The following TNIK variants were observed in gnomAD, a reference collection of about 807,000 sequenced individuals.
TNIK encodes the protein TRAF2 and NCK interacting kinase.
TNIK carries 49 observed loss-of-function variants against 191.3 expected under a neutral mutation model. The ratio of observed to expected loss-of-function variants is 0.26; its 90% CI spans 0.20 to 0.32. The LOEUF is 0.32. Among genes scored for constraint, TNIK ranks in the 10% least tolerant of loss-of-function variants. The pLI, the probability that TNIK is intolerant of heterozygous loss-of-function variation, is 1.00. For missense variants in TNIK, 1,155 were observed against 1,702.3 expected, an observed-to-expected ratio of 0.68 and a Z score of 5.66; for synonymous variants, 594 against 600.9, an observed-to-expected ratio of 0.99 and a Z score of 0.17.
intron 29 of TNIK, 40 bp from the exon 30 acceptor site, chr3:171,069,037 A>T (rs1718847031): frequency 6.4e-7 from 1 of 1,570,524 alleles, no homozygotes; most frequent in East Asian, 2.3e-5. Context: ...TCACTCAAAG[A>T]GGCATCTTAA....
chr3:171,070,260 C>T (rs1365068194), intron 29 of TNIK, among the ~76,000 whole-genome samples: 1 of 152,162 alleles, frequency 6.6e-6, no homozygotes, highest in Non-Finnish European at 1.5e-5. Context: ...CAGAAGCCAT[C>T]TGCCCTAAGG....
intron 1 of TNIK, among the ~76,000 whole-genome samples, chr3:171,420,550 A>G (rs1210526436): frequency 6.6e-6 from 1 of 152,182 alleles, no homozygotes; most frequent in Non-Finnish European, 1.5e-5. Flanking sequence ...TGTAGAGAAT[A>G]TGTGGATGCC....
intron 2 of TNIK, among the ~76,000 whole-genome samples, chr3:171,357,699 G>T (rs950591256): frequency 4.1e-4 from 62 of 152,122 alleles, no homozygotes; most frequent in African/African-American, 1.4e-3. Context: ...GAGAGAAGAG[G>T]CAGGGAAAAC....
At chr3:171,283,483 ATC>A (rs1378489265) in intron 2 of TNIK, among the ~76,000 whole-genome samples, 6 of 152,192 alleles carry the variant, frequency 3.9e-5, no homozygotes, top group Non-Finnish European at 7.3e-5. Context: ...AATAATCAGC[ATC>A]ACCATTCACC....
At chr3:171,077,817 G>A in intron 28 of TNIK, among the ~76,000 whole-genome samples, 1 of 150,208 alleles carries the variant, frequency 6.7e-6, no homozygotes, top group African/African-American at 2.4e-5. Context: ...ATATGTATGT[G>A]TATATATGTA....
intron 4 of TNIK, among the ~76,000 whole-genome samples, chr3:171,202,477 A>G (rs1438323463): frequency 1.3e-5 from 2 of 152,216 alleles, no homozygotes; most frequent in African/African-American, 2.4e-5. Flanking sequence ...AAATAGGAAC[A>G]TAGACTTTGG....
At position 171,061,818 on chromosome 3, in the gene TNIK, G is replaced by A. The variant is rs1717859533; in HGVS notation, c.*2063C>T. The A allele has an allele frequency of 6.6e-6, 1 of 152,184 alleles. No homozygotes were observed. The highest frequency in any genetic ancestry group is 2.4e-5 in the African/African-American group (1 of 41,442). The allele number at this position is 152,184 out of a possible 1,614,324, so 9.4% of individuals were successfully genotyped here. On this transcript the variant is annotated 3_prime_UTR_variant, in exon 33 of 33. Transcript: ENST00000436636. ...GCTGAATTTGTGGCATGGAATTTGAGAAGATAGTATTGTTCAGCAGCACAA... is the reference window on the plus strand; with the variant it reads ...GCTGAATTTGTGGCATGGAATTTGAAAAGATAGTATTGTTCAGCAGCACAA...
chr3:171,324,801 A>G (rs1014137530), intron 2 of TNIK, among the ~76,000 whole-genome samples: 2 of 152,178 alleles, frequency 1.3e-5, no homozygotes, highest in African/African-American at 4.8e-5. Flanking sequence ...CCAGTTTGTT[A>G]AAGAGAAGAA....
At chr3:171,122,341 G>A (rs1273612965) in intron 18 of TNIK, among the ~76,000 whole-genome samples, 2 of 152,188 alleles carry the variant, frequency 1.3e-5, no homozygotes, top group African/African-American at 2.4e-5. Flanking sequence ...TAAAGTTCAG[G>A]CTGGCGATCC....
chr3:171,170,147 T>C (rs1233888883), intron 9 of TNIK, among the ~76,000 whole-genome samples: 1 of 152,188 alleles, frequency 6.6e-6, no homozygotes, highest in East Asian at 1.9e-4. Flanking sequence ...TGTAGTTCTG[T>C]CTCTTATAAA....
chr3:171,171,829 T>C (rs1334182737), intron 9 of TNIK, among the ~76,000 whole-genome samples: 4 of 152,200 alleles, frequency 2.6e-5, no homozygotes, highest in African/African-American at 9.7e-5. Context: ...AGAATGGGTA[T>C]CCCAGTCTTG....
intron 17 of TNIK, among the ~76,000 whole-genome samples, chr3:171,124,809 G>A (rs1026471247): frequency 6.6e-6 from 1 of 152,082 alleles, no homozygotes; most frequent in Non-Finnish European, 1.5e-5. Flanking sequence ...TTTTCTCCCA[G>A]GTTCATGCAT....
chr3:171,265,016 TGACCA>T (rs1748194647), intron 2 of TNIK, among the ~76,000 whole-genome samples: 1 of 152,186 alleles, frequency 6.6e-6, no homozygotes, highest in Non-Finnish European at 1.5e-5. Flanking sequence ...CGGAACACCT[TGACCA>T]GAAGTTCCAC....
intron 2 of TNIK, among the ~76,000 whole-genome samples, chr3:171,352,624 C>G (rs997451097): frequency 6.6e-6 from 1 of 151,992 alleles, no homozygotes; most frequent in Non-Finnish European, 1.5e-5. Context: ...ATGCAGGAAC[C>G]CTATTTAAGT....
At chr3:171,114,642 A>C (rs1052850294) in intron 18 of TNIK, among the ~76,000 whole-genome samples, 14 of 152,258 alleles carry the variant, frequency 9.2e-5, no homozygotes, top group African/African-American at 3.4e-4. Context: ...TAATATGATC[A>C]TATAAATGTA....
At chr3:171,087,258 A>G (rs558218866) in intron 24 of TNIK, 84 bp downstream of exon 24, 1 of 1,558,300 alleles carries the variant, frequency 6.4e-7, no homozygotes, top group East Asian at 2.3e-5. Flanking sequence ...GAGCTTGGCG[A>G]AGCCTCATTC....
chr3:171,246,191 A>G (rs1169652293), intron 2 of TNIK, among the ~76,000 whole-genome samples: 1 of 152,196 alleles, frequency 6.6e-6, no homozygotes, highest in East Asian at 1.9e-4. Context: ...AGTCAAAGAA[A>G]AAGATACACC....
At chr3:171,077,289 G>T (rs749732637) in intron 28 of TNIK, among the ~76,000 whole-genome samples, 1 of 152,172 alleles carries the variant, frequency 6.6e-6, no homozygotes, top group South Asian at 2.1e-4. Flanking sequence ...GTCACCCCAG[G>T]TTCCCTTCAC....
intron 12 of TNIK, among the ~76,000 whole-genome samples, chr3:171,154,476 C>T (rs79793433): frequency 0.012 from 1,761 of 152,164 alleles, 38 homozygotes; most frequent in African/African-American, 0.04. Flanking sequence ...CTTACAGGCA[C>T]GCTCCCCAAA....
Sources: allele counts gnomAD v4.1 joint callset (sites outside exome capture counted in the v4.1 genomes callset), GRCh38; gene constraint gnomAD v4.1.1; transcripts MANE v1.5; gene names NCBI Gene and HGNC (gene_info 2026-07-23, HGNC 2026-07-21).